Variants in SRP72 observed in about 807,000 individuals in gnomAD.
SRP72 encodes the protein signal recognition particle 72.
SRP72 carries 49 observed loss-of-function variants against 96.3 expected under a neutral mutation model. The observed-to-expected ratio is 0.51, with a 90% CI of 0.40 to 0.65. The LOEUF is 0.65. SRP72 is among the 30% of genes least tolerant of loss of function. The pLI is 0.00. For synonymous variants in SRP72, 267 were observed against 275.2 expected (o/e 0.97, Z 0.30); for missense variants, 736 against 793.3 (o/e 0.93, Z 0.87).
At chr4:56,482,441 C>T (rs1720537844) in intron 8 of SRP72, among the ~76,000 whole-genome samples, 1 of 126,540 alleles carries the variant, frequency 7.9e-6, no homozygotes, top group South Asian at 2.7e-4. Context: ...GAGCGAGACT[C>T]CATCTCAAAA....
At chr4:56,491,691 C>A in intron 16 of SRP72, 123 bp downstream of exon 16, 1 of 961,674 alleles carries the variant, frequency 1.0e-6, no homozygotes, top group Non-Finnish European at 1.5e-6. Flanking sequence ...TTTTCCATTT[C>A]TCTCACTGTG....
intron 17 of SRP72, among the ~76,000 whole-genome samples, chr4:56,498,526 C>T (rs964224213): frequency 1.3e-5 from 2 of 152,290 alleles, no homozygotes; most frequent in Admixed American, 1.3e-4. Flanking sequence ...AAAACCCCAT[C>T]GTCTCAGCCC....
At chr4:56,475,069 A>G (rs1346376697) in intron 5 of SRP72, among the ~76,000 whole-genome samples, 2 of 152,158 alleles carry the variant, frequency 1.3e-5, no homozygotes, top group Admixed American at 6.5e-5. Flanking sequence ...CTTGTGCATA[A>G]ATTTTTCCCT....
chr4:56,474,542 C>CA, intron 5 of SRP72, 151 bp downstream of exon 5: 4 of 621,330 alleles, frequency 6.4e-6, no homozygotes, highest in Non-Finnish European at 2.7e-6. Context: ...CTTTCTCTCT[C>CA]TTTTTTTTTT....
rs1419850547 is a variant in SRP72 at position 56,495,386 on chromosome 4, A to C, written c.1670A>C (p.Lys557Thr). Residue 557 changes from lysine (K) to threonine (T), a missense_variant, in exon 17 of 19, where the codon AAA becomes ACA. This residue lies in a region of SRP72 where 388 missense variants were observed against 431.8 expected (regional missense o/e 0.90). Transcript: ENST00000642900. The part of the protein sequence containing the change: ...GQGDLKKKKK[K>T]KKGKLPKNYD... ...GGAGATTTGAAAAAGAAGAAAAAGA[A>C]AAAGAAGGGTAAGGCATTAAAAAAG... 6.7e-7 allele frequency: 1 copy of C among 1,497,140 alleles called. No individual in the cohort carries two copies. Among genetic ancestry groups the C allele is most frequent in the Non-Finnish European group, 9.2e-7 (1 of 1,084,382 alleles). 92.7% of individuals were successfully genotyped at this position (1,497,140 alleles called of 1,614,324 possible).
At position 56,502,284 on chromosome 4, in the gene SRP72, G is replaced by A. The variant is rs28571922; in HGVS notation, c.*423G>A. On this transcript the variant is annotated 3_prime_UTR_variant, in exon 19 of 19. Coordinates refer to ENST00000642900, the MANE Select transcript of SRP72 (RefSeq NM_006947.4). ...ATTATGTCTTAGGAGACTGAAAGTG[G>A]AATCTTCTGAGCATTCCTAAATATC... 6.0e-3 allele frequency: 989 copies of A among 163,574 alleles called. 14 individuals carry two copies. The highest frequency in any genetic ancestry group is 0.022 in the African/African-American group (934 of 41,652). The allele number at this position is 163,574 out of a possible 1,614,324, so 10.1% of individuals were successfully genotyped here.
rs746139360 is a variant in SRP72, at chr4:56,500,704, T to C, written c.1838+9T>C. On this transcript the variant is annotated intron_variant, in intron 18 of 18. Coordinates refer to ENST00000642900, the MANE Select transcript of SRP72 (RefSeq NM_006947.4). ...GGAGCTTCATCTGAACTGTAAGTTA[T>C]TGCTCCACAATTGAGGGCACTTAGA... The C allele has an allele frequency of 7.5e-6, 12 of 1,610,328 alleles. No individual in the cohort carries two copies. Among genetic ancestry groups the C allele is most frequent in the Middle Eastern group, 1.7e-4 (1 of 6,042 alleles).
At chr4:56,470,613 T>C (rs1719935275) in intron 2 of SRP72, among the ~76,000 whole-genome samples, 1 of 152,114 alleles carries the variant, frequency 6.6e-6, no homozygotes, top group South Asian at 2.1e-4. Context: ...TAAAGCCTCT[T>C]AGTGTATCTC....
intron 6 of SRP72, 107 bp downstream of exon 6, chr4:56,476,809 A>T: frequency 2.6e-6 from 3 of 1,153,846 alleles, no homozygotes; most frequent in Non-Finnish European, 3.8e-6. Context: ...ATGGCAATTC[A>T]TTAAGTAGGA....
Position 56,476,549 on chromosome 4 carries a change from T to C in SRP72, c.611-122T>C. 4 of 1,008,350 alleles carry C rather than the reference T, an allele frequency of 4.0e-6. No homozygotes were observed. The South Asian group carries it at 5.5e-5, about 14-fold the overall frequency. The allele number at this position is 1,008,350 out of a possible 1,614,324, so 62.5% of individuals were successfully genotyped here. ...TTGATGCTAATGTAAATTTCACAAC[T>C]GCTTGTTACTACGATTATCTTGGAA... On this transcript the variant is annotated intron_variant, in intron 5 of 18. Transcript: ENST00000642900.
rs1721232961 is a variant in SRP72 at position 56,500,690 on chromosome 4, T to C, written c.1833T>C (p.Ser611=). ...AGGGAGCAACTGCAGGAGCTTCATC[T>C]GAACTGTAAGTTATTGCTCCACAAT... ...GTQGATAGAS[S]ELDASKTVSS... Residue 611 remains serine, a synonymous_variant, in exon 18 of 19, where the codon TCT becomes TCC. Transcript: ENST00000642900. 1 of 1,613,092 alleles carries C rather than the reference T, an allele frequency of 6.2e-7. No individual in the cohort carries two copies. The highest frequency in any genetic ancestry group is 8.5e-7 in the Non-Finnish European group (1 of 1,179,566).
rs1012025797 is a variant in SRP72 at position 56,484,808 on chromosome 4, C to A, written c.1030C>A (p.Gln344Lys). Reference sequence around the variant, plus strand: ...CGAGCATCTCTTACCTGTGTTAATCCAAGCTGCCCAGCTCTGCCGTGAAAA... The same window carrying A: ...CGAGCATCTCTTACCTGTGTTAATCAAAGCTGCCCAGCTCTGCCGTGAAAA... The part of the protein sequence containing the change: ...SPEHLLPVLI[Q>K]AAQLCREKQH... Residue 344 changes from glutamine to lysine, a missense_variant, in exon 10 of 19, where the codon CAA becomes AAA. By Grantham distance (53) the Gln-to-Lys change is moderately conservative. Transcript: ENST00000642900. The A allele has an allele frequency of 6.2e-7, 1 of 1,614,118 alleles. No individual in the cohort carries two copies. The highest frequency in any genetic ancestry group is 8.5e-7 in the Non-Finnish European group (1 of 1,180,032).
intron 9 of SRP72, among the ~76,000 whole-genome samples, chr4:56,483,573 C>T (rs1424219160): frequency 6.6e-6 from 1 of 151,718 alleles, no homozygotes; most frequent in Non-Finnish European, 1.5e-5. Flanking sequence ...CCTGTAGTCC[C>T]AGCTACTCTG....
At chr4:56,500,449 T>G (rs1721224172) in intron 17 of SRP72, 87 bp from the exon 18 acceptor site, 4 of 1,307,258 alleles carry the variant, frequency 3.1e-6, no homozygotes, top group Non-Finnish European at 4.2e-6. Context: ...TTAATGTTAT[T>G]TATTCCCAGG....
chr4:56,493,757 T>C (rs1457508359), intron 16 of SRP72, among the ~76,000 whole-genome samples: 1 of 151,982 alleles, frequency 6.6e-6, no homozygotes, highest in Non-Finnish European at 1.5e-5. Flanking sequence ...TCCCAGCTAT[T>C]TGGGAGGCTG....
Position 56,487,919 on chromosome 4 carries a change from T to C in SRP72, c.1160-30T>C, listed in dbSNP as rs1386145030. 7 of 1,522,974 alleles carry C rather than the reference T, an allele frequency of 4.6e-6. No homozygotes were observed. In the Admixed American group the frequency reaches 1.4e-4, roughly 31 times the overall value. The allele number at this position is 1,522,974 out of a possible 1,614,324, so 94.3% of individuals were successfully genotyped here. On this transcript the variant is annotated intron_variant, in intron 11 of 18. Transcript: ENST00000642900. The stretch of plus-strand genomic sequence containing the variant: ...TTTTTTCATAATATGTGTTCTTCTA[T>C]GTAATGCTGATTTTGTTTATTCTCC...
At chr4:56,469,825 C>T in intron 2 of SRP72, 52 bp downstream of exon 2, 1 of 1,460,664 alleles carries the variant, frequency 6.8e-7, no homozygotes, top group Non-Finnish European at 9.2e-7. Context: ...CTTACTATAG[C>T]TATAATCTCT....
In SRP72 at chr4:56,490,423, C is replaced by T; in HGVS notation, c.1411C>T (p.Gln471Ter). 1 of 1,613,778 alleles carries T rather than the reference C, an allele frequency of 6.2e-7. No individual in the cohort carries two copies. ...GRKKEAISDL[Q>*]QLWKQNPKDI... is the part of the protein sequence containing the mutation. ...GAAGAAGGAGGCAATTAGTGACCTA[C>T]AACAGCTGTGGAAGTAAGCTCTGAA... Residue 471 changes from glutamine to a stop codon, truncating the protein, a stop_gained, in exon 14 of 19, where the codon CAA becomes TAA. Coordinates refer to ENST00000642900, the MANE Select transcript of SRP72 (RefSeq NM_006947.4). LOFTEE classifies it high-confidence loss of function.
At position 56,490,653 on chromosome 4, in the gene SRP72, T is replaced by C; in HGVS notation, c.1502+8T>C. The C allele has an allele frequency of 6.2e-7, 1 of 1,611,164 alleles. No homozygotes were observed. Among genetic ancestry groups the C allele is most frequent in the Non-Finnish European group, 8.5e-7 (1 of 1,177,618 alleles). ...TCCAGAGAAAGCCAAAGCGTATCCT[T>C]TTGATTGTTATTCCTTACAGCTCCT... On this transcript the variant is annotated splice_region_variant and intron_variant, in intron 15 of 18. Transcript: ENST00000642900.
Sources: gnomAD v4.1 joint callset for allele counts (sites outside exome capture counted in the v4.1 genomes callset) on GRCh38, gnomAD v4.1.1 for gene constraint, gnomAD v4.1.1 regional missense constraint, MANE v1.5 for transcripts, NCBI Gene and HGNC (gene_info 2026-07-23, HGNC 2026-07-21) for gene names.